The following CAD variants were observed in gnomAD, a reference collection of about 807,000 sequenced individuals.
CAD encodes multifunctional protein CAD.
In CAD, 81 loss-of-function variants were observed where a neutral mutation model predicts 237.2. That is an observed-to-expected ratio of 0.34 (90% CI 0.29 to 0.41). The LOEUF is 0.41. CAD is among the 10% of genes least tolerant of loss of function. The pLI is 1.00. For synonymous variants in CAD, 1,196 were observed against 1,162.8 expected, an observed-to-expected ratio of 1.03 and a Z score of -0.58; for missense variants, 2,181 against 2,951.7, an observed-to-expected ratio of 0.74 and a Z score of 6.05.
At position 27,224,353 on chromosome 2, in the gene CAD, C is replaced by T. The variant is rs1417632852; in HGVS notation, c.1117C>T (p.Arg373Trp). 4.3e-6 allele frequency: 7 copies of T among 1,614,158 alleles called. No homozygotes were observed. Among genetic ancestry groups the T allele is most frequent in the South Asian group, 1.1e-5 (1 of 91,076 alleles). Reference sequence around the variant, plus strand: ...CTTCTTTGCTTCCACAGTTAGAGAGCGGCTGACTGAGCGCCTCTGTCCCCC... The same window carrying T: ...CTTCTTTGCTTCCACAGTTAGAGAGTGGCTGACTGAGCGCCTCTGTCCCCC... The part of the protein sequence containing the change: ...GNPGGQTVRE[R>W]LTERLCPPGI... The change falls in exon 9 of 44, where the codon CGG (arginine) becomes TGG (tryptophan). Residue 373 changes from arginine to tryptophan, a missense_variant. By Grantham distance (101) the Arg-to-Trp change is moderately radical. Transcript: ENST00000264705.
rs1164003557 is a variant in CAD, at chr2:27,226,222, A to C, written c.1934A>C (p.Tyr645Ser). ...AGCCAGACACTGAATGACAGGGAGT[A>C]TCAGCTCCTGAGGCAGACAGCTATC... The part of the protein sequence containing the change: ...APSQTLNDRE[Y>S]QLLRQTAIKV... The change falls in exon 13 of 44, where the codon TAT (tyrosine) becomes TCT (serine). Residue 645 changes from tyrosine to serine, a missense_variant. By Grantham distance (144) the Tyr-to-Ser change is moderately radical. Transcript: ENST00000264705. 1 of 1,614,160 alleles carries C rather than the reference A, an allele frequency of 6.2e-7. No individual in the cohort carries two copies. The highest frequency in any genetic ancestry group is 8.5e-7 in the Non-Finnish European group (1 of 1,179,968).
intron 22 of CAD, 112 bp from the exon 23 acceptor site, chr2:27,234,406 C>G: frequency 8.2e-7 from 1 of 1,221,202 alleles, no homozygotes. Context: ...TGACCCTGAA[C>G]CCTGCTCAGT....
At chr2:27,234,813 G>A (rs760852879) in intron 23 of CAD, 128 bp downstream of exon 23, 5 of 870,632 alleles carry the variant, frequency 5.7e-6, no homozygotes, top group East Asian at 2.7e-5. Context: ...GGGGTAATGA[G>A]GTGGTCATTG....
rs750909871 is a variant in CAD at position 27,241,999 on chromosome 2, T to C, written c.5972T>C (p.Val1991Ala). The stretch of plus-strand genomic sequence containing the variant: ...GCCATGGCCCGGCTGGGAGGTGCTG[T>C]GCTCAGCTTCTCGGAAGCCACATCG... ...AAAMARLGGA[V>A]LSFSEATSSV... is the part of the protein sequence containing the mutation. Residue 1991 changes from valine (V) to alanine (A), a missense_variant, in exon 39 of 44, where the codon GTG becomes GCG. By Grantham distance (64) the Val-to-Ala change is moderately conservative. Transcript: ENST00000264705. This position sits in a 1 kb window ranked among gnomAD's most constrained non-coding sequence, Gnocchi z 4.6. 1.9e-6 allele frequency: 3 copies of C among 1,613,360 alleles called. No individual in the cohort carries two copies. The highest frequency in any genetic ancestry group is 1.7e-5 in the Admixed American group (1 of 60,036).
Position 27,239,075 on chromosome 2 carries a change from G to A in CAD, c.5096G>A (p.Arg1699Lys). ...PHTLEEKCGS[R>K]PPPGFPGLET... ...ACCTTGGAGGAGAAGTGTGGGTCCA[G>A]GCCCCCACCTGGGTTCCCAGGGTTA... Residue 1699 changes from arginine to lysine, a missense_variant, in exon 32 of 44, where the codon AGG becomes AAG. This residue lies in a region of CAD where 478 missense variants were observed against 515.0 expected (regional missense o/e 0.93). Coordinates refer to ENST00000264705, the MANE Select transcript of CAD (RefSeq NM_004341.5). This position sits in a 1 kb window ranked among gnomAD's most constrained non-coding sequence, Gnocchi z 4.0. 2 of 1,592,798 alleles carry A rather than the reference G, an allele frequency of 1.3e-6. No individual in the cohort carries two copies. Among genetic ancestry groups the A allele is most frequent in the Middle Eastern group, 3.4e-4 (2 of 5,940 alleles).
In CAD at chr2:27,241,870, G is replaced by A; in HGVS notation, c.5884-41G>A. On this transcript the variant is annotated intron_variant, in intron 38 of 43. Coordinates refer to ENST00000264705, the MANE Select transcript of CAD (RefSeq NM_004341.5). The surrounding 1 kb of genome is among the most constrained non-coding windows in gnomAD (Gnocchi z 4.6). ...TGCCTAGCTGGGGTTTCCCCAGGGTGGACACGCATACGTACACCTTCCATC... is the reference window on the plus strand; with the variant it reads ...TGCCTAGCTGGGGTTTCCCCAGGGTAGACACGCATACGTACACCTTCCATC... 6.5e-7 allele frequency: 1 copy of A among 1,540,738 alleles called. No homozygotes were observed. The highest frequency in any genetic ancestry group is 2.3e-5 in the East Asian group (1 of 44,040).
chr2:27,243,376 C>T (rs1483620401), intron 43 of CAD, 40 bp from the exon 44 acceptor site: 2 of 1,586,916 alleles, frequency 1.3e-6, no homozygotes, highest in East Asian at 2.2e-5. Flanking sequence ...CCATGGGCTG[C>T]ACGATAACAC....
At chr2:27,243,155 C>T (rs776584103) in intron 42 of CAD, 43 bp from the exon 43 acceptor site, 3 of 1,591,138 alleles carry the variant, frequency 1.9e-6, no homozygotes, top group Non-Finnish European at 2.6e-6. Flanking sequence ...TCTGTAGCCA[C>T]TCCTACCCCA....
At chr2:27,218,127 C>A in intron 2 of CAD, 111 bp downstream of exon 2, 1 of 917,272 alleles carries the variant, frequency 1.1e-6, no homozygotes. Flanking sequence ...AAAACATACC[C>A]ACTGAAGTAG....
Position 27,234,652 on chromosome 2 carries a change from GC to G in CAD, c.3754del (p.Leu1252Ter). Reference sequence around the variant, plus strand: ...TGGGGGAAGAAGTGGAACCTGTGGGGCTAATGACTGGTTCTGGAGTCGTGGG... The same window carrying G: ...TGGGGGAAGAAGTGGAACCTGTGGGGTAATGACTGGTTCTGGAGTCGTGGG... ...IMGEEVEPVGLMTGSGVVGVK... is the reference protein window; with the variant it reads ...IMGEEVEPVGXMTGSGVVGVK... On this transcript the variant is annotated frameshift_variant, in exon 23 of 44. Transcript: ENST00000264705. LOFTEE classifies it high-confidence loss of function. 1 of 1,614,150 alleles carries G rather than the reference GC, an allele frequency of 6.2e-7. No individual in the cohort carries two copies. Among genetic ancestry groups the G allele is most frequent in the Non-Finnish European group, 8.5e-7 (1 of 1,180,018 alleles).
chr2:27,222,753 C>G, intron 5 of CAD, 93 bp downstream of exon 5: 1 of 1,574,294 alleles, frequency 6.4e-7, no homozygotes, highest in Non-Finnish European at 8.7e-7. Context: ...GTAGGAGTTG[C>G]AGTGAAGAAG....
At chr2:27,225,319 T>TC in intron 11 of CAD, 76 bp downstream of exon 11, 1 of 942,596 alleles carries the variant, frequency 1.1e-6, no homozygotes, top group Non-Finnish European at 1.6e-6. Context: ...TTTTTTTTTT[T>TC]TTTTGAGACG....
rs186564336 is a variant in CAD at position 27,231,596 on chromosome 2, C to A, written c.2400+16C>A. On this transcript the variant is annotated intron_variant, in intron 16 of 43. Transcript: ENST00000264705. ...CAGCGATATGGTAAGTAGCTCCCCT[C>A]CCCTGGCAATACCCCTAAAATAGAC... The A allele has an allele frequency of 6.6e-7, 1 of 1,503,990 alleles. No individual in the cohort carries two copies. The highest frequency in any genetic ancestry group is 9.3e-7 in the Non-Finnish European group (1 of 1,080,024). 93.2% of individuals were successfully genotyped at this position (1,503,990 alleles called of 1,614,324 possible). A position where few individuals can be genotyped will look rare whatever the true frequency, so the allele number is the denominator to read the frequency against.
Position 27,221,343 on chromosome 2 carries a change from G to GC in CAD, c.349dup (p.Gln117ProfsTer49). 1 of 1,570,728 alleles carries GC rather than the reference G, an allele frequency of 6.4e-7. No homozygotes were observed. On this transcript the variant is annotated frameshift_variant, in exon 3 of 44. Transcript: ENST00000264705. LOFTEE classifies it high-confidence loss of function. ...TGCAGCAGCATGGCATCCCTGGCTT[G>GC]CAAGGTATGGTGGCAAGCAGGGGCA...
Position 27,241,878 on chromosome 2 carries a change from A to G in CAD, c.5884-33A>G. On this transcript the variant is annotated intron_variant, in intron 38 of 43. Coordinates refer to ENST00000264705, the MANE Select transcript of CAD (RefSeq NM_004341.5). This position sits in a 1 kb window ranked among gnomAD's most constrained non-coding sequence, Gnocchi z 4.6. ...TGGGGTTTCCCCAGGGTGGACACGC[A>G]TACGTACACCTTCCATCTTGCTCTT... The G allele has an allele frequency of 6.3e-7, 1 of 1,576,992 alleles. No homozygotes were observed. Among genetic ancestry groups the G allele is most frequent in the Non-Finnish European group, 8.7e-7 (1 of 1,148,356 alleles).
chr2:27,226,492 C>G (rs372035141), intron 13 of CAD, 33 bp from the exon 14 acceptor site: 2 of 1,612,536 alleles, frequency 1.2e-6, no homozygotes, highest in African/African-American at 2.7e-5. Flanking sequence ...ACAGGGTCTT[C>G]TAGGCCAGTG....
rs374170199 is a variant in CAD, at chr2:27,231,967, C to A, written c.2401-13C>A. On this transcript the variant is annotated splice_polypyrimidine_tract_variant and intron_variant, in intron 16 of 43. Transcript: ENST00000264705. ...TGGCAGTAGCTTCCGTCTGTCTACC[C>A]CCTTTCTATCAGGAGTTGGAGACTC... The A allele has an allele frequency of 1.9e-6, 3 of 1,614,126 alleles. No homozygotes were observed. The Admixed American group carries it at 5.0e-5, about 27-fold the overall frequency.
intron 15 of CAD, 54 bp from the exon 16 acceptor site, chr2:27,231,414 T>C: frequency 1.9e-6 from 2 of 1,035,524 alleles, no homozygotes; most frequent in Non-Finnish European, 3.1e-6. Context: ...GGCAGTGCCT[T>C]CTTCCCACCC....
intron 15 of CAD, among the ~76,000 whole-genome samples, chr2:27,231,006 G>GT (rs1553368650): frequency 3.3e-5 from 5 of 152,152 alleles, no homozygotes; most frequent in South Asian, 4.1e-4. Context: ...TTGTTTGTTT[G>GT]TTTGTTTTGT....
Sources: allele counts gnomAD v4.1 joint callset (sites outside exome capture counted in the v4.1 genomes callset), GRCh38; gene constraint gnomAD v4.1.1; regional missense constraint gnomAD v4.1.1; non-coding constraint Gnocchi (gnomAD v3.1); transcripts MANE v1.5; gene names NCBI Gene and HGNC (gene_info 2026-07-23, HGNC 2026-07-21).